DGKI: variants seen among roughly 807,000 people sequenced by gnomAD.
DGKI encodes DAG kinase iota.
In DGKI, 55 loss-of-function variants were observed where a neutral mutation model predicts 147.5. The observed-to-expected ratio is 0.37, with a 90% CI of 0.30 to 0.47. The LOEUF is 0.47. Among genes scored for constraint, DGKI ranks in the 20% least tolerant of loss-of-function variants. The probability of loss-of-function intolerance (pLI) is 1.00; values close to 1 mark genes in which losing one functional copy is unlikely to be tolerated. For synonymous variants in DGKI, 469 were observed against 477.1 expected (o/e 0.98, Z 0.22); for missense variants, 1,007 against 1,323.8 (o/e 0.76, Z 3.71).
intron 10 of DGKI, among the ~76,000 whole-genome samples, chr7:137,604,835 C>T (rs1455340379): frequency 6.6e-6 from 1 of 152,112 alleles, no homozygotes; most frequent in East Asian, 1.9e-4. Flanking sequence ...CTATAAAACT[C>T]AGAAAGATGC....
At chr7:137,780,746 C>T (rs541009252) in intron 1 of DGKI, among the ~76,000 whole-genome samples, 4 of 152,052 alleles carry the variant, frequency 2.6e-5, no homozygotes, top group Non-Finnish European at 4.4e-5. Flanking sequence ...AAGAGCTAGA[C>T]GTTTTGCAAA....
At chr7:137,793,256 A>G (rs1796917286) in intron 1 of DGKI, among the ~76,000 whole-genome samples, 1 of 150,894 alleles carries the variant, frequency 6.6e-6, no homozygotes, top group African/African-American at 2.4e-5. Context: ...AGTCTACCTG[A>G]CCCATTCTCT....
chr7:137,776,332 T>C (rs1391017990), intron 1 of DGKI, among the ~76,000 whole-genome samples: 3 of 152,226 alleles, frequency 2.0e-5, no homozygotes. Context: ...ATAAATGCTT[T>C]GAAAATTATT....
At chr7:137,819,557 G>A (rs957230033) in intron 1 of DGKI, among the ~76,000 whole-genome samples, 2 of 152,138 alleles carry the variant, frequency 1.3e-5, no homozygotes, top group East Asian at 1.9e-4. Context: ...TGATCTGCCC[G>A]TCTCAGCCTC....
chr7:137,387,008 A>G lies in DGKI; in HGVS notation c.*4212T>C, dbSNP rs142628429. 1 of 152,262 alleles carries G rather than the reference A, an allele frequency of 6.6e-6. No individual in the cohort carries two copies. The highest frequency in any genetic ancestry group is 1.9e-4 in the East Asian group (1 of 5,178). 9.4% of individuals were successfully genotyped at this position (152,262 alleles called of 1,614,324 possible). A position where few individuals can be genotyped will look rare whatever the true frequency, so the allele number is the denominator to read the frequency against. ...TCCCATTTTTAAATAGCATAATTGA[A>G]TAAAATATGCTGTTCTCAGTGATTT... is the stretch of plus-strand genomic sequence containing the variant. On this transcript the variant is annotated 3_prime_UTR_variant, in exon 33 of 33. Transcript: ENST00000614521.
intron 6 of DGKI, among the ~76,000 whole-genome samples, chr7:137,637,524 A>G (rs1214139876): frequency 1.3e-5 from 2 of 152,232 alleles, no homozygotes; most frequent in Non-Finnish European, 2.9e-5. Flanking sequence ...TCATCAAAAT[A>G]AAAAACTTTC....
At chr7:137,710,876 T>C (rs1390300841) in intron 1 of DGKI, among the ~76,000 whole-genome samples, 1 of 152,088 alleles carries the variant, frequency 6.6e-6, no homozygotes, top group Non-Finnish European at 1.5e-5. Flanking sequence ...CTACAACTAA[T>C]AGATACTAAT....
At chr7:137,402,094 T>C (rs961756090) in intron 30 of DGKI, among the ~76,000 whole-genome samples, 1 of 152,212 alleles carries the variant, frequency 6.6e-6, no homozygotes, top group Non-Finnish European at 1.5e-5. Flanking sequence ...TGTATAGGGT[T>C]GTAAAAATTA....
intron 21 of DGKI, among the ~76,000 whole-genome samples, chr7:137,490,842 T>C (rs1042900811): frequency 6.6e-6 from 1 of 152,196 alleles, no homozygotes; most frequent in Non-Finnish European, 1.5e-5. Context: ...CATGAGTTAA[T>C]ACTCAACCTT....
At chr7:137,656,846 T>G (rs1822244055) in intron 3 of DGKI, among the ~76,000 whole-genome samples, 1 of 152,222 alleles carries the variant, frequency 6.6e-6, no homozygotes, top group Non-Finnish European at 1.5e-5. Flanking sequence ...GGCTCTTTGT[T>G]CTGTCATTTC....
chr7:137,586,296 C>T (rs73453584), intron 13 of DGKI, among the ~76,000 whole-genome samples: 7,349 of 151,972 alleles, frequency 0.048, 420 homozygotes, highest in African/African-American at 0.13. Flanking sequence ...CACAGGGTGG[C>T]GGGCACCTGT....
At chr7:137,608,930 A>C in intron 10 of DGKI, 36 bp downstream of exon 10, 1 of 1,521,018 alleles carries the variant, frequency 6.6e-7, no homozygotes, top group Non-Finnish European at 9.1e-7. Context: ...GAAATTATCA[A>C]AACTTCTAAG....
At position 137,846,065 on chromosome 7, in the gene DGKI, G is replaced by A. The variant is rs1798705960; in HGVS notation, c.401+397C>T. 6.6e-6 allele frequency among the ~76,000 whole-genome samples: 1 copy of A among 151,754 alleles called. No individual in the cohort carries two copies. The highest frequency in any genetic ancestry group is 6.6e-5 in the Admixed American group (1 of 15,232). ...TGGTTGAAGATGACACCTGCTTAGGGGCAACTTTGACGACTTCTCTTAAGA... is the reference window on the plus strand; with the variant it reads ...TGGTTGAAGATGACACCTGCTTAGGAGCAACTTTGACGACTTCTCTTAAGA... On this transcript the variant is annotated intron_variant, in intron 1 of 32. Coordinates refer to ENST00000614521, the MANE Select transcript of DGKI (RefSeq NM_001321708.2). This position sits in a 1 kb window ranked among gnomAD's most constrained non-coding sequence, Gnocchi z 4.0.
chr7:137,677,428 T>C (rs1405140556), intron 3 of DGKI, among the ~76,000 whole-genome samples: 1 of 152,198 alleles, frequency 6.6e-6, no homozygotes, highest in Non-Finnish European at 1.5e-5. Flanking sequence ...TTCCCTGACA[T>C]TGATTCCCAA....
At position 137,545,628 on chromosome 7, in the gene DGKI, C is replaced by T. The variant is rs1488795467; in HGVS notation, c.2147+6741G>A. Among the ~76,000 whole-genome samples the T allele has an allele frequency of 2.6e-5, 4 of 152,188 alleles. No homozygotes were observed. In the East Asian group the frequency reaches 7.7e-4, roughly 29 times the overall value. On this transcript the variant is annotated intron_variant, in intron 20 of 32. Coordinates refer to ENST00000614521, the MANE Select transcript of DGKI (RefSeq NM_001321708.2). ...TATGCACTTCCCATAAAAACCAATG[C>T]TTAGCATGGAATTCTATACAACCCC... is the stretch of plus-strand genomic sequence containing the variant.
intron 17 of DGKI, among the ~76,000 whole-genome samples, chr7:137,575,059 G>A (rs1818923688): frequency 1.3e-5 from 2 of 152,122 alleles, no homozygotes; most frequent in South Asian, 2.1e-4. Flanking sequence ...CTATGTCACA[G>A]CACAATGGTC....
chr7:137,480,193 A>G (rs1166593421), intron 23 of DGKI, among the ~76,000 whole-genome samples: 1 of 152,154 alleles, frequency 6.6e-6, no homozygotes, highest in East Asian at 1.9e-4. Context: ...AGTCTTATTT[A>G]ATTCCTCATT....
chr7:137,656,633 A>G (rs1353645957), intron 3 of DGKI, 93 bp from the exon 4 acceptor site: 1 of 1,100,058 alleles, frequency 9.1e-7, no homozygotes, highest in African/African-American at 1.6e-5. Flanking sequence ...TAATAAATAC[A>G]TAAATACAGC....
chr7:137,423,953 T>C (rs1199789856), intron 28 of DGKI, among the ~76,000 whole-genome samples: 1 of 152,196 alleles, frequency 6.6e-6, no homozygotes, highest in Non-Finnish European at 1.5e-5. Context: ...GCCGTGGTGG[T>C]TTGCTGCACC....
Sources: allele counts gnomAD v4.1 joint callset (sites outside exome capture counted in the v4.1 genomes callset), GRCh38; gene constraint gnomAD v4.1.1; non-coding constraint Gnocchi (gnomAD v3.1); transcripts MANE v1.5; gene names NCBI Gene and HGNC (gene_info 2026-07-23, HGNC 2026-07-21).